Variants in NAA11 observed in about 807,000 individuals in gnomAD.
NAA11 encodes N-alpha-acetyltransferase 11.
NAA11 carries 15 observed loss-of-function variants against 16.1 expected under a neutral mutation model. That is an observed-to-expected ratio of 0.93 (90% confidence interval 0.62 to 1.44). The LOEUF is 1.44. Ranked by LOEUF, NAA11 falls within the 40% of genes most tolerant of loss-of-function variation. The probability of loss-of-function intolerance (pLI) is 0.00; values close to 1 mark genes in which losing one functional copy is unlikely to be tolerated. For missense variants in NAA11, 298 were observed against 291.3 expected (o/e 1.02, Z -0.17); for synonymous variants, 122 against 112.4 (o/e 1.09, Z -0.54).
chr4:79,167,140 A>G, the NAA11 span, among the ~76,000 whole-genome samples: 1 of 62,590 alleles, frequency 1.6e-5, no homozygotes, highest in African/African-American at 5.6e-5. Context: ...TTTTATATAT[A>G]TATATATATA....
At chr4:79,278,180 T>A (rs1210886048) in intron 2 of NAA11, among the ~76,000 whole-genome samples, 1 of 152,060 alleles carries the variant, frequency 6.6e-6, no homozygotes, top group Non-Finnish European at 1.5e-5. Flanking sequence ...CTTATTTTTG[T>A]CCCTTGTTGT....
chr4:79,224,459 C>G (rs1721268111), downstream of NAA11, among the ~76,000 whole-genome samples: 1 of 152,006 alleles, frequency 6.6e-6, no homozygotes, highest in African/African-American at 2.4e-5. Context: ...CCAAGGCAAA[C>G]AAATAAGTAC....
At chr4:79,240,978 C>G (rs1046941958) in intron 2 of NAA11, among the ~76,000 whole-genome samples, 2 of 152,174 alleles carry the variant, frequency 1.3e-5, no homozygotes, top group African/African-American at 4.8e-5. Flanking sequence ...CGTCAACCAG[C>G]TGAGATTCTG....
chr4:79,208,573 TGTGCATCTATAAAAGGAGAGATTAA>T, the NAA11 span, among the ~76,000 whole-genome samples: 15 of 152,180 alleles, frequency 9.9e-5, no homozygotes, highest in Admixed American at 9.8e-4. Context: ...AGATGATTAC[TGTGCATCTATAAAAGGAGAGATTAA>T]GTCCAGGAAG....
At chr4:79,204,826 T>C in the NAA11 span, among the ~76,000 whole-genome samples, 26 of 151,940 alleles carry the variant, frequency 1.7e-4, no homozygotes, top group Middle Eastern at 3.4e-3. Flanking sequence ...GATTTTTCAT[T>C]CCTGATTTAC....
At position 79,232,165 on chromosome 4, in the gene NAA11, A is replaced by G. The variant is rs151038853; in HGVS notation, c.*123-5895T>C. 2.8e-3 allele frequency among the ~76,000 whole-genome samples: 433 copies of G among 152,050 alleles called. 1 individual carries two copies. The highest frequency in any genetic ancestry group is 9.7e-3 in the African/African-American group (403 of 41,538). ...ACAGTATTGTTGAGGTTTAGATAAA[A>G]CAAGATTGGACACATATTGATAGTT... On this transcript the variant is annotated intron_variant and NMD_transcript_variant, in intron 2 of 2. Transcript: ENST00000511542.
the NAA11 span, among the ~76,000 whole-genome samples, chr4:79,167,138 A>T: frequency 1.1e-3 from 68 of 59,246 alleles, 14 homozygotes; most frequent in African/African-American, 3.8e-3. Flanking sequence ...TATTTTATAT[A>T]TATATATATA....
At chr4:79,253,597 G>A (rs1024297018) in intron 2 of NAA11, among the ~76,000 whole-genome samples, 8 of 152,198 alleles carry the variant, frequency 5.3e-5, no homozygotes, top group African/African-American at 1.9e-4. Context: ...AGCATGGCAA[G>A]AAGGGTGTCA....
At chr4:79,228,422 C>T (rs1449028806) in intron 2 of NAA11, among the ~76,000 whole-genome samples, 2 of 151,982 alleles carry the variant, frequency 1.3e-5, no homozygotes, top group African/African-American at 2.4e-5. Flanking sequence ...CTCACACAGT[C>T]ATGTAACCAT....
chr4:79,303,076 T>TTATATATATATATATATATA (rs59261096), intron 1 of NAA11, among the ~76,000 whole-genome samples: 12 of 67,526 alleles, frequency 1.8e-4, no homozygotes, highest in Non-Finnish European at 3.1e-4. Flanking sequence ...TTGAGGCCTT[T>TTATATATATATATATATATA]TATATATATA....
intron 1 of NAA11, among the ~76,000 whole-genome samples, chr4:79,306,270 G>C (rs1723576763): frequency 6.6e-6 from 1 of 152,150 alleles, no homozygotes; most frequent in Non-Finnish European, 1.5e-5. Flanking sequence ...CAGACTGTGT[G>C]GCTTAAGTGA....
chr4:79,304,493 A>G (rs751112461), intron 1 of NAA11, among the ~76,000 whole-genome samples: 22 of 152,140 alleles, frequency 1.4e-4, no homozygotes, highest in Non-Finnish European at 2.2e-4. Context: ...GACATTTTTT[A>G]TTTTGCTTTA....
intron 2 of NAA11, among the ~76,000 whole-genome samples, chr4:79,260,058 A>G (rs1195732003): frequency 6.6e-6 from 1 of 152,128 alleles, no homozygotes; most frequent in African/African-American, 2.4e-5. Flanking sequence ...GACTGGGCAA[A>G]ATTCTTCACA....
the NAA11 span, among the ~76,000 whole-genome samples, chr4:79,217,537 T>C: frequency 6.6e-6 from 1 of 152,220 alleles, no homozygotes; most frequent in African/African-American, 2.4e-5. Context: ...ATCTTGTGTC[T>C]AACACTAATA....
chr4:79,250,865 A>C (rs1721978789), intron 2 of NAA11, among the ~76,000 whole-genome samples: 1 of 152,266 alleles, frequency 6.6e-6, no homozygotes, highest in Non-Finnish European at 1.5e-5. Flanking sequence ...AAGCATATGA[A>C]GAAATATTCA....
At chr4:79,193,847 C>A in the NAA11 span, among the ~76,000 whole-genome samples, 1 of 152,140 alleles carries the variant, frequency 6.6e-6, no homozygotes, top group African/African-American at 2.4e-5. Context: ...ATTGATTCTT[C>A]CTACCCATGA....
At position 79,326,044 on chromosome 4, in the gene NAA11, A is replaced by G; in HGVS notation, c.-167T>C. On this transcript the variant is annotated 5_prime_UTR_variant, in exon 1 of 2. Transcript: ENST00000286794. ...GGAAGGCGGAAGGAGCAGGAGATGG[A>G]AAAGATGGTGCCAAACTGCGGCTTT... 1 of 623,722 alleles carries G rather than the reference A, an allele frequency of 1.6e-6. No homozygotes were observed. The highest frequency in any genetic ancestry group is 2.8e-6 in the Non-Finnish European group (1 of 350,888). 38.6% of individuals were successfully genotyped at this position (623,722 alleles called of 1,614,324 possible).
rs548645250 is a variant in NAA11 at position 79,317,365 on chromosome 4, C to T, written c.*439G>A. The stretch of plus-strand genomic sequence containing the variant: ...TGACTTCATGGTCCTGACTACTTCA[C>T]CTCCTCAAGGATGAAAACTCAGGTA... On this transcript the variant is annotated 3_prime_UTR_variant, in exon 2 of 2. Transcript: ENST00000286794. The T allele has an allele frequency of 6.6e-6, 1 of 152,252 alleles. No individual in the cohort carries two copies. Among genetic ancestry groups the T allele is most frequent in the Admixed American group, 6.5e-5 (1 of 15,288 alleles). 9.4% of individuals were successfully genotyped at this position (152,252 alleles called of 1,614,324 possible).
chr4:79,223,356 GA>G (rs1721235286), downstream of NAA11, among the ~76,000 whole-genome samples: 1 of 150,296 alleles, frequency 6.7e-6, no homozygotes, highest in Non-Finnish European at 1.5e-5. Flanking sequence ...GGACATGGAT[GA>G]AATTGGAAAT....
Sources: allele counts gnomAD v4.1 joint callset (sites outside exome capture counted in the v4.1 genomes callset), GRCh38; gene constraint gnomAD v4.1.1; transcripts MANE v1.5; gene names NCBI Gene and HGNC (gene_info 2026-07-23, HGNC 2026-07-21).